The following MED12L variants were observed in gnomAD, a reference collection of about 807,000 sequenced individuals.
MED12L encodes mediator of RNA polymerase II transcription subunit 12-like protein.
A neutral mutation model predicts 281.3 loss-of-function variants in MED12L; 60 were observed. The observed-to-expected ratio is 0.21, with a 90% CI of 0.17 to 0.26. The LOEUF (loss-of-function observed/expected upper bound fraction) is 0.26. Among genes scored for constraint, MED12L ranks in the 10% least tolerant of loss-of-function variants. MED12L has a pLI of 1.00. For missense variants in MED12L, 2,146 were observed against 2,680.9 expected, an observed-to-expected ratio of 0.80 and a Z score of 4.41; for synonymous variants, 974 against 987.2, an observed-to-expected ratio of 0.99 and a Z score of 0.25.
intron 16 of MED12L, among the ~76,000 whole-genome samples, chr3:151,300,375 A>G (rs533946757): frequency 1.3e-5 from 2 of 152,326 alleles, no homozygotes; most frequent in African/African-American, 2.4e-5. Context: ...GCTGGGAGTT[A>G]TGTCTTGTGG....
At chr3:151,137,605 C>G (rs1212731222) in intron 5 of MED12L, among the ~76,000 whole-genome samples, 1 of 152,118 alleles carries the variant, frequency 6.6e-6, no homozygotes, top group African/African-American at 2.4e-5. Context: ...GGGGGTTTTC[C>G]TATTTCCAGC....
At chr3:151,397,750 A>T (rs921561661) in intron 39 of MED12L, among the ~76,000 whole-genome samples, 9 of 152,210 alleles carry the variant, frequency 5.9e-5, no homozygotes, top group African/African-American at 2.2e-4. Flanking sequence ...TTCTCTAGCT[A>T]CATAAGGACT....
At position 151,367,773 on chromosome 3, in the gene MED12L, C is replaced by G. The variant is rs773861713; in HGVS notation, c.3448+7C>G. 29 of 1,599,282 alleles carry G rather than the reference C, an allele frequency of 1.8e-5. No homozygotes were observed. Among genetic ancestry groups the G allele is most frequent in the Non-Finnish European group, 2.2e-5 (26 of 1,171,396 alleles). Reference sequence around the variant, plus strand: ...CCCTCTCTTCTAGCAGCAGGTAAGGCAGCATCCATGAACATCCGTTGCTCT... The same window carrying G: ...CCCTCTCTTCTAGCAGCAGGTAAGGGAGCATCCATGAACATCCGTTGCTCT... On this transcript the variant is annotated splice_region_variant and intron_variant, in intron 24 of 44. Transcript: ENST00000687756.
At chr3:151,383,749 GC>G (rs1465020208) in intron 33 of MED12L, 29 bp from the exon 34 acceptor site, 1 of 1,429,852 alleles carries the variant, frequency 7.0e-7, no homozygotes, top group Non-Finnish European at 9.8e-7. Flanking sequence ...TTTACAGAAT[GC>G]AAATATCTTA....
At chr3:151,403,010 CTTTCT>C (rs1055355425) in intron 39 of MED12L, among the ~76,000 whole-genome samples, 1 of 147,554 alleles carries the variant, frequency 6.8e-6, no homozygotes, top group Non-Finnish European at 1.5e-5. Flanking sequence ...CTTCCTTTTT[CTTTCT>C]TTTCTTTTTT....
chr3:151,335,322 A>C (rs1750837146), intron 16 of MED12L, among the ~76,000 whole-genome samples: 1 of 152,220 alleles, frequency 6.6e-6, no homozygotes, highest in African/African-American at 2.4e-5. Context: ...TCTCATAAAT[A>C]TGTACAGTTA....
chr3:151,332,617 T>G (rs1197305614), intron 16 of MED12L, among the ~76,000 whole-genome samples: 1 of 152,176 alleles, frequency 6.6e-6, no homozygotes, highest in African/African-American at 2.4e-5. Context: ...AATACAAACA[T>G]ATATAGTAGA....
At chr3:151,425,576 G>A in intron 43 of MED12L, 1 of 450,756 alleles carries the variant, frequency 2.2e-6, no homozygotes, top group Non-Finnish European at 4.5e-6. Context: ...TTGTGTGTGT[G>A]TGTGTGTGTC....
Position 151,156,223 on chromosome 3 carries a change from C to G in MED12L, c.619C>G (p.His207Asp). ...GTTGGCCAAGATTTCTGACTTTTACCACATGGCCTCCAGCACGGGCGATGG... is the reference window on the plus strand; with the variant it reads ...GTTGGCCAAGATTTCTGACTTTTACGACATGGCCTCCAGCACGGGCGATGG... ...EQLAKISDFY[H>D]MASSTGDGPV... Residue 207 changes from histidine to aspartate, a missense_variant, in exon 6 of 45, where the codon CAC (histidine) becomes GAC (aspartate). Transcript: ENST00000687756. 6.2e-7 allele frequency: 1 copy of G among 1,613,268 alleles called. No individual in the cohort carries two copies. Among genetic ancestry groups the G allele is most frequent in the Non-Finnish European group, 8.5e-7 (1 of 1,179,640 alleles).
At chr3:151,225,491 A>G (rs1730305676) in intron 16 of MED12L, among the ~76,000 whole-genome samples, 1 of 152,128 alleles carries the variant, frequency 6.6e-6, no homozygotes. Flanking sequence ...AATACCATTA[A>G]TTTGCTCACG....
intron 39 of MED12L, among the ~76,000 whole-genome samples, chr3:151,408,772 A>C (rs1716624635): frequency 6.6e-6 from 1 of 152,226 alleles, no homozygotes; most frequent in East Asian, 1.9e-4. Flanking sequence ...GTATTCCTTG[A>C]ATATCTGGCT....
chr3:151,139,778 A>T (rs1477903711), intron 5 of MED12L, among the ~76,000 whole-genome samples: 1 of 151,694 alleles, frequency 6.6e-6, no homozygotes, highest in African/African-American at 2.4e-5. Flanking sequence ...AATACAACAG[A>T]TGAAAGAGTT....
At chr3:151,234,702 C>T (rs768063700) in intron 16 of MED12L, among the ~76,000 whole-genome samples, 5 of 152,214 alleles carry the variant, frequency 3.3e-5, no homozygotes, top group Non-Finnish European at 7.3e-5. Context: ...GCCTCAGTTA[C>T]TGTAATATCC....
At position 151,413,166 on chromosome 3, in the gene MED12L, C is replaced by T. The variant is rs267599652; in HGVS notation, c.6168C>T (p.Ser2056=). ...QRLNHQALQQ[S]PLVGGGIDAV... The stretch of plus-strand genomic sequence containing the variant: ...TGAACCATCAGGCTCTACAGCAGAG[C>T]CCTCTGGTGGGCGGGGGAATTGATG... Residue 2056 remains serine, a synonymous_variant, in exon 42 of 45, where the codon AGC becomes AGT. Transcript: ENST00000687756. The T allele has an allele frequency of 1.9e-6, 3 of 1,613,932 alleles. No homozygotes were observed. The highest frequency in any genetic ancestry group is 2.5e-6 in the Non-Finnish European group (3 of 1,179,930).
At chr3:151,280,457 C>G (rs1047101282) in intron 16 of MED12L, among the ~76,000 whole-genome samples, 1 of 152,206 alleles carries the variant, frequency 6.6e-6, no homozygotes, top group Non-Finnish European at 1.5e-5. Context: ...GGAGATGTTA[C>G]ATCAGGTTGC....
intron 5 of MED12L, among the ~76,000 whole-genome samples, chr3:151,154,288 C>T (rs1385028234): frequency 1.3e-5 from 2 of 151,998 alleles, no homozygotes; most frequent in African/African-American, 4.8e-5. Flanking sequence ...TATTTATGGA[C>T]TCCCAAAAGG....
chr3:151,314,953 T>C (rs1325074539), intron 16 of MED12L, among the ~76,000 whole-genome samples: 1 of 152,192 alleles, frequency 6.6e-6, no homozygotes, highest in African/African-American at 2.4e-5. Context: ...AGTCCTGGGC[T>C]TTCTACTTTA....
intron 16 of MED12L, among the ~76,000 whole-genome samples, chr3:151,246,741 A>C (rs1410801892): frequency 1.3e-5 from 2 of 152,230 alleles, no homozygotes; most frequent in African/African-American, 4.8e-5. Flanking sequence ...CACCAAAAGC[A>C]ATGGCCACAA....
rs1413153892 is a variant in MED12L at position 151,097,218 on chromosome 3, T to C, written c.99+10193T>C. On this transcript the variant is annotated intron_variant, in intron 2 of 44. Transcript: ENST00000687756. ...GAGAGACGCACACAAGCGGTACCAG[T>C]TGCCCAGTTCCCGGAAGCGATATGT... is the stretch of plus-strand genomic sequence containing the variant. Among the ~76,000 whole-genome samples, 3 of 152,198 alleles carry C rather than the reference T, an allele frequency of 2.0e-5. No individual in the cohort carries two copies. In the East Asian group the frequency reaches 5.8e-4, roughly 29 times the overall value.
Sources: gnomAD v4.1 joint callset for allele counts (sites outside exome capture counted in the v4.1 genomes callset) on GRCh38, gnomAD v4.1.1 for gene constraint, MANE v1.5 for transcripts, NCBI Gene and HGNC (gene_info 2026-07-23, HGNC 2026-07-21) for gene names.